FAM98B: variants seen among roughly 807,000 people sequenced by gnomAD.
FAM98B encodes the protein tRNA splicing ligase complex subunit 3B, also known as tRNA-splicing ligase complex subunit FAM98B.
A neutral mutation model predicts 43.9 loss-of-function variants in FAM98B; 32 were observed. That is an observed-to-expected ratio of 0.73 (90% CI 0.55 to 0.98). The LOEUF is 0.98. FAM98B is among the 50% of genes least tolerant of loss of function. The pLI is 0.00. For missense variants in FAM98B, 514 were observed against 522.9 expected (o/e 0.98, Z 0.17); for synonymous variants, 190 against 174.0 (o/e 1.09, Z -0.72).
chr15:38,460,465 T>G (rs1288266436), intron 1 of FAM98B, among the ~76,000 whole-genome samples: 2 of 152,150 alleles, frequency 1.3e-5, no homozygotes, highest in Admixed American at 6.5e-5. Context: ...AAGAGAGGTC[T>G]GTGGACTAGC....
intron 6 of FAM98B, among the ~76,000 whole-genome samples, chr15:38,477,801 G>A (rs1214554841): frequency 6.6e-6 from 1 of 152,208 alleles, no homozygotes; most frequent in Non-Finnish European, 1.5e-5. Flanking sequence ...AGGGATGTCT[G>A]TGTATTTCAT....
intron 3 of FAM98B, among the ~76,000 whole-genome samples, chr15:38,467,156 T>G (rs1890048010): frequency 6.6e-6 from 1 of 152,164 alleles, no homozygotes; most frequent in East Asian, 1.9e-4. Flanking sequence ...TAGATGTATA[T>G]TGCCATATTT....
At chr15:38,459,087 T>G (rs1889903304) in intron 1 of FAM98B, 5 of 347,044 alleles carry the variant, frequency 1.4e-5, no homozygotes, top group Admixed American at 1.4e-4. Context: ...GGGAACACAT[T>G]CAAAGAGTTC....
Position 38,484,313 on chromosome 15 carries a change from C to T in FAM98B, c.956C>T (p.Pro319Leu). 6.5e-7 allele frequency: 1 copy of T among 1,547,540 alleles called. No homozygotes were observed. Residue 319 changes from proline (P) to leucine (L), a missense_variant, in exon 8 of 8, where the codon CCT becomes CTT. Coordinates refer to ENST00000397609, the MANE Select transcript of FAM98B (RefSeq NM_173611.4). ...CGGCCGAATGAAATTGAACCACCACCTCCAGAAATGCCCCCTTGGCAAAAG... is the reference window on the plus strand; with the variant it reads ...CGGCCGAATGAAATTGAACCACCACTTCCAGAAATGCCCCCTTGGCAAAAG... ...GGRPNEIEPP[P>L]PEMPPWQKRQ... is the part of the protein sequence containing the mutation.
intron 3 of FAM98B, 120 bp from the exon 4 acceptor site, chr15:38,470,107 T>G: frequency 1.2e-6 from 1 of 843,886 alleles, no homozygotes; most frequent in Non-Finnish European, 1.7e-6. Flanking sequence ...GTTCTTTGGG[T>G]CTTTGTAAGT....
chr15:38,482,318 A>G (rs1301952541), intron 7 of FAM98B: 1 of 152,180 alleles, frequency 6.6e-6, no homozygotes, highest in African/African-American at 2.4e-5. Flanking sequence ...TAAATATATT[A>G]CCTAACATCT....
chr15:38,484,632 TGGA>T lies in FAM98B; in HGVS notation c.1281_1283del (p.Gly429del). The T allele has an allele frequency of 2.0e-6, 3 of 1,490,756 alleles. No homozygotes were observed. Among genetic ancestry groups the T allele is most frequent in the South Asian group, 1.3e-5 (1 of 76,902 alleles). 92.3% of individuals were successfully genotyped at this position (1,490,756 alleles called of 1,614,324 possible). On this transcript the variant is annotated inframe_deletion, in exon 8 of 8. Transcript: ENST00000397609. The stretch of plus-strand genomic sequence containing the variant: ...GTGGTGGTGGTGGTGGTGGTGGTGG[TGGA>T]GGAGGTGGATATAGAAGATACTAAA...
intron 6 of FAM98B, 113 bp from the exon 7 acceptor site, chr15:38,481,179 A>G (rs941952035): frequency 2.3e-6 from 2 of 854,296 alleles, no homozygotes; most frequent in South Asian, 1.9e-5. Context: ...GCTCTTTTCT[A>G]ACTCCTTGCT....
intron 3 of FAM98B, among the ~76,000 whole-genome samples, chr15:38,468,301 T>C (rs901360703): frequency 2.0e-5 from 3 of 152,150 alleles, no homozygotes; most frequent in African/African-American, 7.2e-5. Flanking sequence ...GATGGTGCGA[T>C]TGTAGCCCCT....
chr15:38,460,033 C>T (rs1889922404), intron 1 of FAM98B, among the ~76,000 whole-genome samples: 1 of 152,004 alleles, frequency 6.6e-6, no homozygotes, highest in African/African-American at 2.4e-5. Context: ...TAAATTAGGC[C>T]CTGGTTGTAT....
chr15:38,469,876 A>G (rs138513334), intron 3 of FAM98B, among the ~76,000 whole-genome samples: 1 of 151,816 alleles, frequency 6.6e-6, no homozygotes, highest in Admixed American at 6.6e-5. Context: ...GGGGGCCTGT[A>G]TCTTTGCCTG....
In FAM98B at chr15:38,484,672, T is replaced by C. The variant is rs2141064289; in HGVS notation, c.*13T>C. ...TAGAAGATACTAAAAACTATAAAAA[T>C]TAGATAGCAGTGCTTGCTTCTTTAT... is the stretch of plus-strand genomic sequence containing the variant. On this transcript the variant is annotated 3_prime_UTR_variant, in exon 8 of 8. Coordinates refer to ENST00000397609, the MANE Select transcript of FAM98B (RefSeq NM_173611.4). 1 of 1,510,236 alleles carries C rather than the reference T, an allele frequency of 6.6e-7. No individual in the cohort carries two copies. Among genetic ancestry groups the C allele is most frequent in the Non-Finnish European group, 8.8e-7 (1 of 1,136,162 alleles). 93.6% of individuals were successfully genotyped at this position (1,510,236 alleles called of 1,614,324 possible). A position where few individuals can be genotyped will look rare whatever the true frequency, so the allele number is the denominator to read the frequency against.
chr15:38,481,207 T>C (rs2141062313), intron 6 of FAM98B, 85 bp from the exon 7 acceptor site: 1 of 1,200,578 alleles, frequency 8.3e-7, no homozygotes, highest in Non-Finnish European at 1.2e-6. Context: ...TATCTCCTTT[T>C]CTTTATTTCT....
Position 38,464,187 on chromosome 15 carries a change from T to G in FAM98B, c.217+10T>G. On this transcript the variant is annotated intron_variant, in intron 2 of 7. Transcript: ENST00000397609. Reference sequence around the variant, plus strand: ...AGTATCACGTCTGCTGGTATTGCCATTATGTTGTATTTACTTTTCTGTTTA... The same window carrying G: ...AGTATCACGTCTGCTGGTATTGCCAGTATGTTGTATTTACTTTTCTGTTTA... 6.2e-7 allele frequency: 1 copy of G among 1,603,966 alleles called. No individual in the cohort carries two copies. Among genetic ancestry groups the G allele is most frequent in the Non-Finnish European group, 8.5e-7 (1 of 1,174,514 alleles).
intron 6 of FAM98B, among the ~76,000 whole-genome samples, chr15:38,480,579 A>AT (rs35402125): frequency 0.27 from 41,008 of 149,450 alleles, 6,474 homozygotes; most frequent in Middle Eastern, 0.38. Context: ...TCTATGCCTC[A>AT]TTTTTTTTTT....
At chr15:38,469,226 C>G (rs949223693) in intron 3 of FAM98B, among the ~76,000 whole-genome samples, 2 of 107,686 alleles carry the variant, frequency 1.9e-5, no homozygotes, top group Admixed American at 9.4e-5. Flanking sequence ...TCTTACCTAC[C>G]GTAGTGAAGA....
intron 4 of FAM98B, among the ~76,000 whole-genome samples, chr15:38,471,809 T>C (rs1441385516): frequency 6.6e-6 from 1 of 152,192 alleles, no homozygotes; most frequent in Non-Finnish European, 1.5e-5. Flanking sequence ...GGTATAATTA[T>C]AACAGATACA....
chr15:38,474,139 G>T, intron 5 of FAM98B, 43 bp from the exon 6 acceptor site: 1 of 1,405,038 alleles, frequency 7.1e-7, no homozygotes, highest in South Asian at 1.2e-5. Context: ...TTTGCAGAAT[G>T]AAAGAATCTA....
intron 4 of FAM98B, among the ~76,000 whole-genome samples, chr15:38,472,014 A>G (rs529361675): frequency 2.0e-5 from 3 of 152,282 alleles, no homozygotes; most frequent in Admixed American, 6.5e-5. Flanking sequence ...ATGTGAGGAA[A>G]CTGAGGTACT....
Sources: gnomAD v4.1 joint callset for allele counts (sites outside exome capture counted in the v4.1 genomes callset) on GRCh38, gnomAD v4.1.1 for gene constraint, MANE v1.5 for transcripts, NCBI Gene and HGNC (gene_info 2026-07-23, HGNC 2026-07-21) for gene names.